NUP160: variants seen among roughly 807,000 people sequenced by gnomAD.
The protein encoded by NUP160 is nucleoporin 160, also known as nuclear pore complex protein Nup160.
In NUP160, 94 loss-of-function variants were observed where a neutral mutation model predicts 196.9. That is an observed-to-expected ratio of 0.48 (90% CI 0.40 to 0.57). The LOEUF (loss-of-function observed/expected upper bound fraction) is 0.57. Among genes scored for constraint, NUP160 ranks in the 20% least tolerant of loss-of-function variants. The pLI is 0.00. For synonymous variants in NUP160, 605 were observed against 619.7 expected (o/e 0.98, Z 0.35); for missense variants, 1,638 against 1,748.3 (o/e 0.94, Z 1.13).
rs1320534852 is a variant in NUP160 at position 47,806,944 on chromosome 11, C to T, written c.2446+126G>A. On this transcript the variant is annotated intron_variant, in intron 19 of 35. Transcript: ENST00000378460. The stretch of plus-strand genomic sequence containing the variant: ...AACGGAGATCTCAGGCCACAGCTTA[C>T]TCATGCCTTCTGAAAGCAAAGAGCC... 16 of 656,020 alleles carry T rather than the reference C, an allele frequency of 2.4e-5. No homozygotes were observed. The East Asian group carries it at 4.3e-4, about 18-fold the overall frequency. The allele number at this position is 656,020 out of a possible 1,614,324, so 40.6% of individuals were successfully genotyped here.
At chr11:47,796,778 A>G (rs1214425893) in intron 27 of NUP160, among the ~76,000 whole-genome samples, 2 of 152,166 alleles carry the variant, frequency 1.3e-5, no homozygotes, top group East Asian at 1.9e-4. Flanking sequence ...GTGCAGTGAC[A>G]TGATTTTGGC....
chr11:47,815,545 T>C (rs773794789), exon 13 of NUP160: 2 of 1,612,770 alleles, frequency 1.2e-6, no homozygotes, highest in South Asian at 2.2e-5. Flanking sequence ...GAGAGAGGGC[T>C]TCTTGATACT....
At chr11:47,823,221 C>T (rs753405143) in intron 7 of NUP160, among the ~76,000 whole-genome samples, 3 of 152,176 alleles carry the variant, frequency 2.0e-5, no homozygotes, top group Admixed American at 6.5e-5. Context: ...ATACACATAA[C>T]GTCAAATTTA....
chr11:47,790,688 A>C (rs1203793497), intron 29 of NUP160, among the ~76,000 whole-genome samples: 1 of 152,170 alleles, frequency 6.6e-6, no homozygotes, highest in Non-Finnish European at 1.5e-5. Flanking sequence ...CAGGAGTTTG[A>C]GGCTGCAGTG....
chr11:47,839,168 C>T (rs759422534), intron 4 of NUP160, among the ~76,000 whole-genome samples: 7 of 152,046 alleles, frequency 4.6e-5, no homozygotes, highest in East Asian at 1.9e-4. Flanking sequence ...CTTGGCTTAT[C>T]GCAACCTCCA....
intron 2 of NUP160, among the ~76,000 whole-genome samples, chr11:47,844,809 C>T (rs541353561): frequency 6.6e-6 from 1 of 152,262 alleles, no homozygotes; most frequent in East Asian, 1.9e-4. Flanking sequence ...ACAGTTAAGG[C>T]ATTCTAAGTC....
intron 27 of NUP160, chr11:47,796,223 G>T: frequency 2.1e-6 from 1 of 470,420 alleles, no homozygotes; most frequent in Non-Finnish European, 3.9e-6. Flanking sequence ...CTTCCACACA[G>T]AAAAAGAGAA....
exon 25 of NUP160, chr11:47,798,195 G>C (rs1054526620): frequency 6.2e-7 from 1 of 1,612,082 alleles, no homozygotes; most frequent in Non-Finnish European, 8.5e-7. Context: ...TTGGGTTAAG[G>C]CTTCATATGC....
chr11:47,842,992 A>T (rs949094501), intron 2 of NUP160, among the ~76,000 whole-genome samples: 2 of 152,174 alleles, frequency 1.3e-5, no homozygotes, highest in Non-Finnish European at 2.9e-5. Context: ...GACTCTAAAA[A>T]AAAACAAACA....
In NUP160 at chr11:47,785,015, G is replaced by A. The variant is rs748038025; in HGVS notation, c.3897C>T (p.Tyr1299=). The change falls in exon 33 of 36, where the codon TAC becomes TAT. Residue 1299 remains tyrosine (Y), a synonymous_variant. Transcript: ENST00000378460. ...GGTGATACAAGTTATTCTGGACTTT[G>A]TACCTCTCCAGGTAAGTGGATAATA... 4 of 1,600,308 alleles carry A rather than the reference G, an allele frequency of 2.5e-6. No individual in the cohort carries two copies. In the African/African-American group the frequency reaches 5.4e-5, roughly 22 times the overall value.
intron 31 of NUP160, chr11:47,786,921 T>C (rs771388621): frequency 2.9e-5 from 7 of 238,942 alleles, no homozygotes; most frequent in Non-Finnish European, 5.1e-5. Flanking sequence ...CCTGAGTAGC[T>C]GGGACTACAG....
chr11:47,842,584 C>T (rs1852327572), intron 2 of NUP160, among the ~76,000 whole-genome samples: 1 of 152,172 alleles, frequency 6.6e-6, no homozygotes, highest in Admixed American at 6.6e-5. Flanking sequence ...TCACTCAGCT[C>T]TGAAGCTCAT....
intron 2 of NUP160, chr11:47,841,245 T>C (rs1599350475): frequency 4.0e-6 from 1 of 248,156 alleles, no homozygotes; most frequent in East Asian, 8.7e-5. Flanking sequence ...TGTTTATTAA[T>C]CCCAGCTGAG....
At chr11:47,846,511 G>A (rs1369825614) in intron 2 of NUP160, among the ~76,000 whole-genome samples, 1 of 152,124 alleles carries the variant, frequency 6.6e-6, no homozygotes, top group Non-Finnish European at 1.5e-5. Flanking sequence ...ACACCAGGGA[G>A]CTGTCCTTGT....
chr11:47,805,197 T>C (rs931460591), intron 20 of NUP160, among the ~76,000 whole-genome samples: 4 of 151,942 alleles, frequency 2.6e-5, no homozygotes, highest in Admixed American at 6.6e-5. Flanking sequence ...GGGCATGATC[T>C]CAGCTCACTG....
At chr11:47,844,426 CTTTCTT>C (rs1852362138) in intron 2 of NUP160, among the ~76,000 whole-genome samples, 1 of 152,148 alleles carries the variant, frequency 6.6e-6, no homozygotes, top group Non-Finnish European at 1.5e-5. Flanking sequence ...TCAACTATCT[CTTTCTT>C]ATTATTCTAC....
At chr11:47,846,152 A>AC (rs2096137974) in intron 2 of NUP160, among the ~76,000 whole-genome samples, 1 of 151,510 alleles carries the variant, frequency 6.6e-6, no homozygotes, top group Non-Finnish European at 1.5e-5. Context: ...AAAAAAAAAA[A>AC]AAAGCAGAAA....
intron 7 of NUP160, among the ~76,000 whole-genome samples, chr11:47,824,259 T>G (rs1851923816): frequency 6.6e-6 from 1 of 151,758 alleles, no homozygotes; most frequent in Non-Finnish European, 1.5e-5. Flanking sequence ...ATTCATTCAT[T>G]CAATTGTAGA....
intron 29 of NUP160, among the ~76,000 whole-genome samples, chr11:47,789,384 G>A (rs1008763828): frequency 1.2e-4 from 18 of 152,136 alleles, no homozygotes; most frequent in African/African-American, 4.3e-4. Flanking sequence ...AACTGTGAGA[G>A]GCAGAAATAA....
Sources: allele counts gnomAD v4.1 joint callset (sites outside exome capture counted in the v4.1 genomes callset), GRCh38; gene constraint gnomAD v4.1.1; transcripts MANE v1.5; gene names NCBI Gene and HGNC (gene_info 2026-07-23, HGNC 2026-07-21).